Variants in C2orf78 observed in about 807,000 individuals in gnomAD.
C2orf78 encodes the protein chromosome 2 open reading frame 78.
A neutral mutation model predicts 21.4 loss-of-function variants in C2orf78; 12 were observed. The ratio of observed to expected loss-of-function variants is 0.56; its 90% CI spans 0.36 to 0.91. The LOEUF is 0.91. C2orf78 is among the 40% of genes least tolerant of loss of function. C2orf78 has a pLI of 0.01. For missense variants in C2orf78, 1,042 were observed against 1,092.4 expected, an observed-to-expected ratio of 0.95 and a Z score of 0.65; for synonymous variants, 396 against 413.9, an observed-to-expected ratio of 0.96 and a Z score of 0.52.
At chr2:73,785,902 C>T (rs947113483) in intron 1 of C2orf78, among the ~76,000 whole-genome samples, 8 of 151,812 alleles carry the variant, frequency 5.3e-5, no homozygotes, top group Non-Finnish European at 1.2e-4. Flanking sequence ...CCAAATTAGC[C>T]GGGCATGGTG....
intron 1 of C2orf78, among the ~76,000 whole-genome samples, chr2:73,808,329 G>A (rs2103975124): frequency 6.6e-6 from 1 of 151,296 alleles, no homozygotes; most frequent in South Asian, 2.1e-4. Context: ...TAGAACAACT[G>A]TAATTGCTCA....
intron 1 of C2orf78, among the ~76,000 whole-genome samples, chr2:73,811,062 G>T (rs1298928921): frequency 1.3e-5 from 2 of 150,678 alleles, no homozygotes; most frequent in Non-Finnish European, 3.0e-5. Context: ...AGGCTGAGGC[G>T]GGTGGATCAC....
At position 73,816,846 on chromosome 2, in the gene C2orf78, C is replaced by CG; in HGVS notation, c.2623_2624insG (p.Gln875ArgfsTer6). On this transcript the variant is annotated frameshift_variant, in exon 3 of 3. Transcript: ENST00000409561. LOFTEE classifies it low-confidence loss of function (END_TRUNC). ...AATGTCAACGCCCATCACAGAAGAG[C>CG]AGAGGCCAGAGCGTGAGGCCATGAA... 1 of 1,614,000 alleles carries CG rather than the reference C, an allele frequency of 6.2e-7. No individual in the cohort carries two copies. The highest frequency in any genetic ancestry group is 8.5e-7 in the Non-Finnish European group (1 of 1,179,892).
chr2:73,786,088 G>C (rs567176599), intron 1 of C2orf78, among the ~76,000 whole-genome samples: 2 of 151,872 alleles, frequency 1.3e-5, no homozygotes, highest in Admixed American at 6.6e-5. Context: ...TTTTAGAAAT[G>C]AGGCTTCCAG....
chr2:73,816,661 C>T lies in C2orf78; in HGVS notation c.2438C>T (p.Ser813Leu), dbSNP rs375273518. Residue 813 changes from serine to leucine, a missense_variant, in exon 3 of 3, where the codon TCA (serine) becomes TTA (leucine). Physicochemically the swap from Ser to Leu is moderately radical, Grantham distance 145 (BLOSUM62 -2). Transcript: ENST00000409561. ...CCTCAATCTGCTGCTTCTAGGCCAT[C>T]AGCCTACAAAACATCATCTTGTTCT... is the stretch of plus-strand genomic sequence containing the variant. 7 of 1,613,888 alleles carry T rather than the reference C, an allele frequency of 4.3e-6. No homozygotes were observed. In the African/African-American group the frequency reaches 8.0e-5, roughly 18 times the overall value.
intron 1 of C2orf78, among the ~76,000 whole-genome samples, chr2:73,786,046 C>T (rs1672922547): frequency 6.7e-6 from 1 of 150,024 alleles, no homozygotes; most frequent in Non-Finnish European, 1.5e-5. Context: ...AACTCCGCTT[C>T]AAAAAGAAAA....
intron 1 of C2orf78, among the ~76,000 whole-genome samples, chr2:73,813,072 T>C (rs1343552849): frequency 6.6e-6 from 1 of 152,216 alleles, no homozygotes; most frequent in African/African-American, 2.4e-5. Context: ...CAGGTCAATC[T>C]GACCTCTCAG....
chr2:73,811,751 G>A (rs953125273), intron 1 of C2orf78, among the ~76,000 whole-genome samples: 2 of 151,942 alleles, frequency 1.3e-5, no homozygotes, highest in Admixed American at 1.3e-4. Context: ...TTTCCTGGAC[G>A]TTGGAGATGA....
intron 1 of C2orf78, among the ~76,000 whole-genome samples, chr2:73,809,865 G>T (rs1353019283): frequency 6.6e-6 from 1 of 152,158 alleles, no homozygotes; most frequent in African/African-American, 2.4e-5. Flanking sequence ...AAAATGGAGA[G>T]TACTGGGTTA....
rs767336782 is a variant in C2orf78, at chr2:73,813,530, C to G, written c.151C>G (p.Leu51Val). The change falls in exon 2 of 3, where the codon CTT (leucine) becomes GTT (valine). Residue 51 changes from leucine to valine, a missense_variant. Physicochemically the swap from Leu to Val is conservative, Grantham distance 32 (BLOSUM62 1). Coordinates refer to ENST00000409561, the Ensembl canonical transcript of C2orf78. ...AACTGCAAATTCTCGGCAGTTCTCT[C>G]TTCCTGTGGTGAGCAATGCAGCTTT... 2.4e-5 allele frequency: 39 copies of G among 1,613,738 alleles called. No individual in the cohort carries two copies. The South Asian group carries it at 4.1e-4, about 17-fold the overall frequency.
chr2:73,816,091 G>A (rs190164698), exon 3 of C2orf78: 23 of 1,613,784 alleles, frequency 1.4e-5, no homozygotes, highest in Admixed American at 1.0e-4. Context: ...AAAAAGCCCC[G>A]AAGCTCCCTA....
chr2:73,812,186 T>C (rs1673103072), intron 1 of C2orf78, among the ~76,000 whole-genome samples: 1 of 152,228 alleles, frequency 6.6e-6, no homozygotes, highest in Non-Finnish European at 1.5e-5. Context: ...TGGTTAATAG[T>C]ATTCACTAAG....
At chr2:73,784,469 C>A (rs1672883801) in intron 1 of C2orf78, 63 bp downstream of exon 1, 4 of 580,726 alleles carry the variant, frequency 6.9e-6, no homozygotes, top group South Asian at 2.0e-5. Flanking sequence ...ATTTAGATTT[C>A]TTTCCCCCTA....
In C2orf78 at chr2:73,810,969, C is replaced by CATAT. The variant is rs35395110; in HGVS notation, c.98-2493_98-2490dup. ...TTATATATAATATACATGTATATTT[C>CATAT]ATATATATATATATATATGTTTTAG... On this transcript the variant is annotated intron_variant, in intron 1 of 2. Transcript: ENST00000409561. Among the ~76,000 whole-genome samples, 1,130 of 136,110 alleles carry CATAT rather than the reference C, an allele frequency of 8.3e-3. 16 individuals carry two copies. Among genetic ancestry groups the CATAT allele is most frequent in the African/African-American group, 0.027 (1,005 of 36,704 alleles). The allele number at this position is 136,110 out of a possible 152,430, so 89.3% of individuals were successfully genotyped here.
intron 1 of C2orf78, among the ~76,000 whole-genome samples, chr2:73,811,968 T>C (rs1573200825): frequency 6.6e-6 from 1 of 152,198 alleles, no homozygotes; most frequent in East Asian, 1.9e-4. Context: ...CAGTTTTTAT[T>C]GAAATATCTA....
At chr2:73,812,721 C>A (rs1053169420) in intron 1 of C2orf78, among the ~76,000 whole-genome samples, 1 of 152,086 alleles carries the variant, frequency 6.6e-6, no homozygotes, top group African/African-American at 2.4e-5. Flanking sequence ...GAGTAAGACT[C>A]TGTCTCAGTA....
exon 2 of C2orf78, chr2:73,813,972 G>T (rs761245644): frequency 6.2e-7 from 1 of 1,614,020 alleles, no homozygotes; most frequent in Admixed American, 1.7e-5. Context: ...AATCAGCAGG[G>T]CCATAACCTG....
At chr2:73,810,911 T>A (rs1673075994) in intron 1 of C2orf78, among the ~76,000 whole-genome samples, 1 of 136,912 alleles carries the variant, frequency 7.3e-6, no homozygotes, top group South Asian at 2.1e-4. Context: ...ATATTATATA[T>A]AATATATGTA....
exon 3 of C2orf78, chr2:73,815,561 A>G: frequency 1.2e-6 from 2 of 1,613,970 alleles, no homozygotes; most frequent in Non-Finnish European, 1.7e-6. Flanking sequence ...ACATCACTAC[A>G]TGGGTGGAGG....
Sources: allele counts gnomAD v4.1 joint callset (sites outside exome capture counted in the v4.1 genomes callset), GRCh38; gene constraint gnomAD v4.1.1; transcripts MANE v1.5; gene names NCBI Gene and HGNC (gene_info 2026-07-23, HGNC 2026-07-21).